The following DLG2 variants were observed in gnomAD, a reference collection of about 807,000 sequenced individuals.
DLG2 encodes discs large MAGUK scaffold protein 2.
DLG2 carries 45 observed loss-of-function variants against 132.5 expected under a neutral mutation model. That is an observed-to-expected ratio of 0.34 (90% CI 0.27 to 0.44). The LOEUF (loss-of-function observed/expected upper bound fraction) is 0.44, where lower values mean the gene tolerates loss of function less well. Among genes scored for constraint, DLG2 ranks in the 20% least tolerant of loss-of-function variants. The pLI, the probability that DLG2 is intolerant of heterozygous loss-of-function variation, is 1.00. For synonymous variants in DLG2, 424 were observed against 419.6 expected, an observed-to-expected ratio of 1.01 and a Z score of -0.13; for missense variants, 1,045 against 1,196.9, an observed-to-expected ratio of 0.87 and a Z score of 1.87.
intron 18 of DLG2, among the ~76,000 whole-genome samples, chr11:83,737,044 T>C (rs958813716): frequency 2.6e-5 from 4 of 152,202 alleles, no homozygotes; most frequent in Non-Finnish European, 1.5e-5. Context: ...TCTCATTTTG[T>C]AATTAAGCCA....
intron 6 of DLG2, among the ~76,000 whole-genome samples, chr11:84,577,527 G>A (rs527841341): frequency 7.2e-5 from 11 of 152,298 alleles, no homozygotes; most frequent in African/African-American, 2.6e-4. Flanking sequence ...TGTTTTAGCA[G>A]AGACTGGCAG....
At chr11:85,572,256 C>G (rs1243784152) in intron 3 of DLG2, among the ~76,000 whole-genome samples, 2 of 152,108 alleles carry the variant, frequency 1.3e-5, no homozygotes, top group African/African-American at 4.8e-5. Context: ...CACTGAGCTT[C>G]TGCGATCTAG....
chr11:84,860,706 TCAGTTTACTGG>T (rs1431125032), intron 6 of DLG2, among the ~76,000 whole-genome samples: 2 of 152,134 alleles, frequency 1.3e-5, no homozygotes, highest in African/African-American at 4.8e-5. Context: ...CTTTTCATTG[TCAGTTTACTGG>T]CACTTGGCAA....
intron 6 of DLG2, among the ~76,000 whole-genome samples, chr11:85,030,452 G>A (rs2060910087): frequency 6.6e-6 from 1 of 152,132 alleles, no homozygotes; most frequent in South Asian, 2.1e-4. Context: ...TACTGCTTAT[G>A]CTATTATGTC....
At chr11:84,837,824 C>T (rs2080029081) in intron 6 of DLG2, among the ~76,000 whole-genome samples, 1 of 151,800 alleles carries the variant, frequency 6.6e-6, no homozygotes, top group Non-Finnish European at 1.5e-5. Flanking sequence ...ACCACTCTTG[C>T]TGATGCATAT....
intron 5 of DLG2, among the ~76,000 whole-genome samples, chr11:85,138,731 C>G (rs2076276650): frequency 6.6e-6 from 1 of 150,468 alleles, no homozygotes; most frequent in Admixed American, 6.6e-5. Flanking sequence ...GCTTTTGCTT[C>G]TTCCTCATTT....
intron 3 of DLG2, among the ~76,000 whole-genome samples, chr11:85,549,298 C>T (rs892943939): frequency 2.0e-5 from 3 of 152,136 alleles, no homozygotes; most frequent in South Asian, 2.1e-4. Flanking sequence ...ACTCGCCCTC[C>T]TTGGGCTGCA....
At chr11:84,349,837 A>AATAT (rs10694163) in intron 7 of DLG2, among the ~76,000 whole-genome samples, 22,392 of 150,514 alleles carry the variant, frequency 0.15, 2,423 homozygotes, top group African/African-American at 0.3. Context: ...CTGCCTCTAA[A>AATAT]ATATATATAT....
intron 6 of DLG2, among the ~76,000 whole-genome samples, chr11:84,969,871 C>T (rs1229117437): frequency 6.6e-6 from 1 of 152,130 alleles, no homozygotes; most frequent in East Asian, 1.9e-4. Context: ...TTTGCAGGGA[C>T]ATGGATGAAG....
chr11:84,225,389 C>T (rs1319211394), intron 8 of DLG2, among the ~76,000 whole-genome samples: 1 of 152,206 alleles, frequency 6.6e-6, no homozygotes, highest in Non-Finnish European at 1.5e-5. Flanking sequence ...AAGTTGGTCA[C>T]AGTTTCTCCA....
In DLG2 at chr11:84,386,794, A is replaced by G. The variant is rs563682398; in HGVS notation, c.520-135503T>C. 2.6e-5 allele frequency among the ~76,000 whole-genome samples: 4 copies of G among 152,194 alleles called. No individual in the cohort carries two copies. In the South Asian group the frequency reaches 8.3e-4, roughly 32 times the overall value. On this transcript the variant is annotated intron_variant, in intron 7 of 27. Transcript: ENST00000376104. ...TTCCTTCACAAACCATGCATTTTAAAATGCATCAAAATTTGTTTTATATTT... is the reference window on the plus strand; with the variant it reads ...TTCCTTCACAAACCATGCATTTTAAGATGCATCAAAATTTGTTTTATATTT...
chr11:83,854,095 G>A (rs866675074), intron 16 of DLG2, among the ~76,000 whole-genome samples: 33 of 152,080 alleles, frequency 2.2e-4, no homozygotes, highest in South Asian at 1.7e-3. Flanking sequence ...ATGAAAAAGC[G>A]AAAACTGAAA....
chr11:85,228,896 T>C (rs1459566307), intron 4 of DLG2, among the ~76,000 whole-genome samples: 2 of 151,430 alleles, frequency 1.3e-5, no homozygotes, highest in Non-Finnish European at 1.5e-5. Context: ...CATCTATGTA[T>C]CTTTTTTTAA....
intron 8 of DLG2, among the ~76,000 whole-genome samples, chr11:84,167,167 T>C (rs901705310): frequency 1.3e-5 from 2 of 152,188 alleles, no homozygotes; most frequent in Non-Finnish European, 2.9e-5. Flanking sequence ...ATGTTTAAGA[T>C]ACTTGATTTT....
At chr11:84,239,572 T>C (rs572297268) in intron 8 of DLG2, among the ~76,000 whole-genome samples, 11 of 152,314 alleles carry the variant, frequency 7.2e-5, no homozygotes, top group Admixed American at 5.9e-4. Flanking sequence ...TGGTAAATAC[T>C]AATTTAGGAC....
At chr11:84,875,337 A>G (rs1422892281) in intron 6 of DLG2, among the ~76,000 whole-genome samples, 1 of 152,164 alleles carries the variant, frequency 6.6e-6, no homozygotes, top group East Asian at 1.9e-4. Context: ...TAAATAAATG[A>G]TAACTAATTT....
chr11:84,473,499 CAGA>C, intron 7 of DLG2, among the ~76,000 whole-genome samples: 1 of 151,950 alleles, frequency 6.6e-6, no homozygotes, highest in East Asian at 1.9e-4. Flanking sequence ...ATGTCATTGA[CAGA>C]AACTATACAA....
In DLG2 at chr11:84,710,253, C is replaced by T. The variant is rs116914684; in HGVS notation, c.358-175522G>A. The stretch of plus-strand genomic sequence containing the variant: ...ACATTTCTTAGTACTAGCTCACCAG[C>T]AAAACTGAAAGGTCCCCAAGGCAGG... On this transcript the variant is annotated intron_variant, in intron 6 of 27. Transcript: ENST00000376104. Among the ~76,000 whole-genome samples, 8 of 152,036 alleles carry T rather than the reference C, an allele frequency of 5.3e-5. No individual in the cohort carries two copies. The East Asian group carries it at 1.6e-3, about 30-fold the overall frequency.
At chr11:85,030,085 C>A (rs582884) in intron 6 of DLG2, among the ~76,000 whole-genome samples, 103,135 of 152,096 alleles carry the variant, frequency 0.68, 35,720 homozygotes, top group East Asian at 0.94. Context: ...TCTACCCTAG[C>A]GGGGAAGGCT....
Sources: gnomAD v4.1 joint callset for allele counts (sites outside exome capture counted in the v4.1 genomes callset) on GRCh38, gnomAD v4.1.1 for gene constraint, MANE v1.5 for transcripts, NCBI Gene and HGNC (gene_info 2026-07-23, HGNC 2026-07-21) for gene names.